The following NEDD4L variants were observed in gnomAD, a reference collection of about 807,000 sequenced individuals.
The protein encoded by NEDD4L is E3 ubiquitin-protein ligase NEDD4-like.
In NEDD4L, 54 loss-of-function variants were observed where a neutral mutation model predicts 148.9. The observed-to-expected ratio is 0.36, with a 90% CI of 0.29 to 0.45. The LOEUF is 0.45. NEDD4L is among the 20% of genes least tolerant of loss of function. The pLI, the probability that NEDD4L is intolerant of heterozygous loss-of-function variation, is 1.00. For synonymous variants in NEDD4L, 433 were observed against 440.7 expected, an observed-to-expected ratio of 0.98 and a Z score of 0.22; for missense variants, 856 against 1,233.8, an observed-to-expected ratio of 0.69 and a Z score of 4.59.
At chr18:58,151,140 C>T (rs967440537) in intron 1 of NEDD4L, among the ~76,000 whole-genome samples, 1 of 152,180 alleles carries the variant, frequency 6.6e-6, no homozygotes, top group Non-Finnish European at 1.5e-5. Context: ...CTCAGGTGCT[C>T]ACTTAAAATG....
intron 6 of NEDD4L, among the ~76,000 whole-genome samples, chr18:58,317,369 A>G (rs2058382455): frequency 6.6e-6 from 1 of 152,158 alleles, no homozygotes; most frequent in African/African-American, 2.4e-5. Context: ...TCTTCTGTGT[A>G]TGTTCTTCAG....
At chr18:58,198,400 T>C (rs1599616814) in intron 2 of NEDD4L, among the ~76,000 whole-genome samples, 1 of 152,190 alleles carries the variant, frequency 6.6e-6, no homozygotes, top group East Asian at 1.9e-4. Flanking sequence ...CTAAAGCGTT[T>C]ATCAGGTATG....
At chr18:58,090,192 C>T (rs1287547383) in intron 1 of NEDD4L, among the ~76,000 whole-genome samples, 1 of 152,144 alleles carries the variant, frequency 6.6e-6, no homozygotes, top group East Asian at 1.9e-4. Flanking sequence ...GTTAGCCTCA[C>T]CTTCATTCTT....
At chr18:58,255,121 G>T (rs756299926) in intron 5 of NEDD4L, among the ~76,000 whole-genome samples, 2 of 152,178 alleles carry the variant, frequency 1.3e-5, no homozygotes, top group Non-Finnish European at 2.9e-5. Flanking sequence ...TCCCTGCACT[G>T]GTTAGACAGA....
chr18:58,279,887 G>T (rs751076639), intron 5 of NEDD4L, among the ~76,000 whole-genome samples: 1 of 152,168 alleles, frequency 6.6e-6, no homozygotes, highest in Non-Finnish European at 1.5e-5. Flanking sequence ...ACACTTAGTT[G>T]TAACATACAC....
intron 1 of NEDD4L, among the ~76,000 whole-genome samples, chr18:58,155,055 A>T (rs2035295510): frequency 6.6e-6 from 1 of 152,226 alleles, no homozygotes. Context: ...TGTATTTTAG[A>T]TGGCCTTTTA....
In NEDD4L at chr18:58,387,508, A is replaced by G. The variant is rs1426693847; in HGVS notation, c.2547+10A>G. The G allele has an allele frequency of 1.3e-6, 2 of 1,545,792 alleles. No homozygotes were observed. The highest frequency in any genetic ancestry group is 1.7e-4 in the Middle Eastern group (1 of 5,890). On this transcript the variant is annotated intron_variant, in intron 27 of 30. Coordinates refer to ENST00000400345, the MANE Select transcript of NEDD4L (RefSeq NM_001144967.3). ...TGAAAATGAGCTGGAGGTTTGTATT[A>G]TAAACATTATTTTATGTAAAGTGGA...
chr18:58,094,691 G>A (rs1437833618), intron 1 of NEDD4L, among the ~76,000 whole-genome samples: 1 of 152,114 alleles, frequency 6.6e-6, no homozygotes, highest in Non-Finnish European at 1.5e-5. Flanking sequence ...CCCCTGCTGT[G>A]TAGATGGCCC....
chr18:58,048,589 T>G (rs1364409360), intron 1 of NEDD4L, among the ~76,000 whole-genome samples: 1 of 152,214 alleles, frequency 6.6e-6, no homozygotes, highest in African/African-American at 2.4e-5. Flanking sequence ...GACAAATGCC[T>G]TGAAAGGTCT....
At chr18:58,134,960 C>G (rs966629691) in intron 1 of NEDD4L, among the ~76,000 whole-genome samples, 1 of 151,930 alleles carries the variant, frequency 6.6e-6, no homozygotes, top group Non-Finnish European at 1.5e-5. Flanking sequence ...CAATGGAAAG[C>G]GAAGGAACAT....
At chr18:58,364,906 T>C (rs1399776980) in intron 20 of NEDD4L, among the ~76,000 whole-genome samples, 2 of 152,280 alleles carry the variant, frequency 1.3e-5, no homozygotes, top group African/African-American at 4.8e-5. Context: ...CATTTTCTAA[T>C]GACACACCAT....
chr18:58,113,304 C>T (rs1020276023), intron 1 of NEDD4L, among the ~76,000 whole-genome samples: 5 of 152,206 alleles, frequency 3.3e-5, no homozygotes, highest in African/African-American at 1.2e-4. Context: ...GTCCCTGCTT[C>T]ATGGAGTCTA....
rs766325095 is a variant in NEDD4L at position 58,383,248 on chromosome 18, A to T, written c.2355A>T (p.Thr785=). ...FCIDEENFGQ[T]YQVDLKPNGS... is the part of the protein sequence containing the mutation. ...TTGTTTTGTCTTTGTAATTACAGAC[A>T]TATCAAGTGGATTTGAAGCCCAATG... The change falls in exon 25 of 31, where the codon ACA becomes ACT. Residue 785 remains threonine, a splice_region_variant and synonymous_variant. Transcript: ENST00000400345. The T allele has an allele frequency of 4.5e-5, 68 of 1,499,662 alleles. No individual in the cohort carries two copies. The highest frequency in any genetic ancestry group is 5.9e-5 in the Non-Finnish European group (65 of 1,099,380). The allele number at this position is 1,499,662 out of a possible 1,614,324, so 92.9% of individuals were successfully genotyped here.
intron 2 of NEDD4L, among the ~76,000 whole-genome samples, chr18:58,212,715 C>G (rs1224567412): frequency 6.6e-6 from 1 of 152,140 alleles, no homozygotes; most frequent in Non-Finnish European, 1.5e-5. Context: ...AAGTGATCTG[C>G]CCACCTCAGC....
chr18:58,051,039 T>C (rs1568143046), intron 1 of NEDD4L, among the ~76,000 whole-genome samples: 1 of 152,010 alleles, frequency 6.6e-6, no homozygotes, highest in African/African-American at 2.4e-5. Context: ...GACAGATTGC[T>C]TGAGCCCAGG....
chr18:58,195,572 C>T (rs1189835526), intron 2 of NEDD4L: 7 of 1,339,658 alleles, frequency 5.2e-6, no homozygotes, highest in Non-Finnish European at 6.9e-6. Flanking sequence ...CCCAGCACGG[C>T]ACCTCCCACT....
At chr18:58,288,318 A>G (rs1441989560) in intron 5 of NEDD4L, among the ~76,000 whole-genome samples, 1 of 152,250 alleles carries the variant, frequency 6.6e-6, no homozygotes, top group South Asian at 2.1e-4. Context: ...AGAAACATGC[A>G]TAAGTAACCC....
At chr18:58,149,852 A>G (rs1389203776) in intron 1 of NEDD4L, among the ~76,000 whole-genome samples, 1 of 152,202 alleles carries the variant, frequency 6.6e-6, no homozygotes, top group South Asian at 2.1e-4. Context: ...ATGTAGGAAC[A>G]CCGTGACAGT....
intron 1 of NEDD4L, among the ~76,000 whole-genome samples, chr18:58,126,387 AG>A (rs2031098810): frequency 6.6e-6 from 1 of 150,726 alleles, no homozygotes; most frequent in Non-Finnish European, 1.5e-5. Context: ...GAATCATACT[AG>A]GGGGTCTTTT....
Sources: allele counts gnomAD v4.1 joint callset (sites outside exome capture counted in the v4.1 genomes callset), GRCh38; gene constraint gnomAD v4.1.1; transcripts MANE v1.5; gene names NCBI Gene and HGNC (gene_info 2026-07-23, HGNC 2026-07-21).